The following SNX29 variants were observed in gnomAD, a reference collection of about 807,000 sequenced individuals.
SNX29 encodes sorting nexin-29.
In SNX29, 78 loss-of-function variants were observed where a neutral mutation model predicts 102.1. That is an observed-to-expected ratio of 0.76 (90% CI 0.64 to 0.92). The LOEUF is 0.92. SNX29 is among the 40% of genes least tolerant of loss of function. The pLI is 0.00. For missense variants in SNX29, 1,280 were observed against 1,061.7 expected, an observed-to-expected ratio of 1.21 and a Z score of -2.86; for synonymous variants, 580 against 414.5, an observed-to-expected ratio of 1.40 and a Z score of -4.85.
At chr16:12,548,885 C>T (rs565529136) in intron 20 of SNX29, among the ~76,000 whole-genome samples, 1 of 152,244 alleles carries the variant, frequency 6.6e-6, no homozygotes, top group African/African-American at 2.4e-5. Flanking sequence ...CTGAACCCTA[C>T]ACATAGCAGC....
intron 19 of SNX29, among the ~76,000 whole-genome samples, chr16:12,503,000 C>CT (rs1156933744): frequency 6.6e-6 from 1 of 152,154 alleles, no homozygotes; most frequent in African/African-American, 2.4e-5. Context: ...GCCTTTCTGC[C>CT]TTTTTTCCCT....
intron 9 of SNX29, among the ~76,000 whole-genome samples, chr16:12,066,055 G>A (rs1324342530): frequency 2.0e-5 from 3 of 152,180 alleles, no homozygotes; most frequent in African/African-American, 4.8e-5. Context: ...GAAGGGGCCC[G>A]TGGGCAATCA....
intron 19 of SNX29, among the ~76,000 whole-genome samples, chr16:12,481,195 A>G (rs1439196424): frequency 6.6e-6 from 1 of 152,152 alleles, no homozygotes; most frequent in Non-Finnish European, 1.5e-5. Context: ...CCCAGTAATG[A>G]TCAGCTGGTA....
In SNX29 at chr16:12,344,406, T is replaced by C. The variant is rs1186947556; in HGVS notation, c.1783-11757T>C. 2.6e-5 allele frequency among the ~76,000 whole-genome samples: 4 copies of C among 152,258 alleles called. No individual in the cohort carries two copies. The Middle Eastern group carries it at 0.01, about 388-fold the overall frequency. Reference sequence around the variant, plus strand: ...CGTGAGCCTCCATTTCCTCAATCTGTAGATGGAACCACTAGCTAGAATATA... The same window carrying C: ...CGTGAGCCTCCATTTCCTCAATCTGCAGATGGAACCACTAGCTAGAATATA... On this transcript the variant is annotated intron_variant, in intron 15 of 20. Transcript: ENST00000566228.
In SNX29 at chr16:12,571,908, C is replaced by G; in HGVS notation, c.*3279C>G. ...GAGGTTCAAAGCCCCCTGCATTTCT[C>G]TACTGGCAGGCCCTGGTGAAGGAAG... On this transcript the variant is annotated 3_prime_UTR_variant, in exon 21 of 21. Coordinates refer to ENST00000566228, the MANE Select transcript of SNX29 (RefSeq NM_032167.5). The G allele has an allele frequency of 1.9e-6, 2 of 1,062,076 alleles. No homozygotes were observed. Among genetic ancestry groups the G allele is most frequent in the Non-Finnish European group, 1.1e-6 (1 of 877,216 alleles). The allele number at this position is 1,062,076 out of a possible 1,614,324, so 65.8% of individuals were successfully genotyped here.
At chr16:12,119,171 GTCCCC>G (rs2053868778) in intron 11 of SNX29, among the ~76,000 whole-genome samples, 1 of 152,186 alleles carries the variant, frequency 6.6e-6, no homozygotes, top group Non-Finnish European at 1.5e-5. Flanking sequence ...TGGCAGCCAT[GTCCCC>G]GCATAGACAG....
At chr16:12,264,584 C>A (rs186623463) in intron 14 of SNX29, among the ~76,000 whole-genome samples, 1 of 152,176 alleles carries the variant, frequency 6.6e-6, no homozygotes, top group Admixed American at 6.5e-5. Flanking sequence ...GAGCTTGAGA[C>A]GAGCCTGGCT....
intron 13 of SNX29, among the ~76,000 whole-genome samples, chr16:12,133,007 G>T (rs2054524362): frequency 6.6e-6 from 1 of 152,218 alleles, no homozygotes; most frequent in African/African-American, 2.4e-5. Context: ...GGCAGTTGTT[G>T]CCTGGGGGTG....
intron 11 of SNX29, chr16:12,095,104 C>A (rs1323190188): frequency 6.6e-6 from 1 of 152,172 alleles, no homozygotes; most frequent in East Asian, 1.9e-4. Flanking sequence ...GATCCTGACT[C>A]CGTAGCTGCG....
At chr16:12,318,961 C>A (rs1009209919) in intron 15 of SNX29, among the ~76,000 whole-genome samples, 16 of 152,154 alleles carry the variant, frequency 1.1e-4, no homozygotes, top group African/African-American at 3.9e-4. Context: ...TTACCCTTAT[C>A]TTGTCTCCTG....
intron 14 of SNX29, among the ~76,000 whole-genome samples, chr16:12,267,670 G>A (rs1382773467): frequency 6.6e-6 from 1 of 152,216 alleles, no homozygotes; most frequent in Non-Finnish European, 1.5e-5. Context: ...CCTCTGGAAG[G>A]TGCTGTAGCT....
At chr16:12,526,786 C>A (rs141049414) in intron 20 of SNX29, 3 of 421,262 alleles carry the variant, frequency 7.1e-6, no homozygotes, top group South Asian at 2.2e-5. Context: ...TCCCCCACCC[C>A]CTGCGGGGTC....
intron 15 of SNX29, among the ~76,000 whole-genome samples, chr16:12,335,620 G>C (rs1332411282): frequency 1.3e-5 from 2 of 152,182 alleles, no homozygotes; most frequent in African/African-American, 4.8e-5. Flanking sequence ...AGGCTGCAGT[G>C]AGCTACGATG....
chr16:12,541,825 T>C (rs2077355980), intron 20 of SNX29, among the ~76,000 whole-genome samples: 1 of 152,124 alleles, frequency 6.6e-6, no homozygotes, highest in Non-Finnish European at 1.5e-5. Context: ...AGCTCGCCTC[T>C]TCCCCTCTTC....
chr16:12,199,790 G>T, intron 14 of SNX29, 107 bp downstream of exon 14: 1 of 915,802 alleles, frequency 1.1e-6, no homozygotes, highest in South Asian at 1.5e-5. Flanking sequence ...TATGTGGATG[G>T]ATTAGAATAA....
At chr16:12,481,556 C>CACA (rs2151833059) in intron 19 of SNX29, among the ~76,000 whole-genome samples, 1 of 129,594 alleles carries the variant, frequency 7.7e-6, no homozygotes, top group African/African-American at 2.8e-5. Flanking sequence ...ACACACACAC[C>CACA]CCAAATGTCA....
intron 19 of SNX29, among the ~76,000 whole-genome samples, chr16:12,490,920 A>C (rs1409220402): frequency 1.3e-5 from 2 of 152,256 alleles, no homozygotes; most frequent in Non-Finnish European, 2.9e-5. Flanking sequence ...CTTTTCTCCC[A>C]GAAGGGAACC....
chr16:12,353,525 T>A (rs538357444), intron 15 of SNX29, among the ~76,000 whole-genome samples: 38 of 152,266 alleles, frequency 2.5e-4, no homozygotes, highest in African/African-American at 7.9e-4. Context: ...ACACACACAC[T>A]GTCAGTAACT....
At chr16:12,323,734 G>A (rs2081033056) in intron 15 of SNX29, among the ~76,000 whole-genome samples, 1 of 152,114 alleles carries the variant, frequency 6.6e-6, no homozygotes, top group South Asian at 2.1e-4. Context: ...CTGAAGCCAG[G>A]TGGCCTGGAG....
Sources: gnomAD v4.1 joint callset for allele counts (sites outside exome capture counted in the v4.1 genomes callset) on GRCh38, gnomAD v4.1.1 for gene constraint, MANE v1.5 for transcripts, NCBI Gene and HGNC (gene_info 2026-07-23, HGNC 2026-07-21) for gene names.